Variants in ULK4 observed in about 807,000 individuals in gnomAD.
The protein encoded by ULK4 is inactive serine/threonine-protein kinase ULK4.
In ULK4, 133 loss-of-function variants were observed where a neutral mutation model predicts 160.6. That is an observed-to-expected ratio of 0.83 (90% CI 0.72 to 0.96). ULK4 has a LOEUF of 0.96. Ranked by LOEUF, ULK4 falls within the 40% of genes least tolerant of loss-of-function variation. ULK4 has a pLI of 0.00. For missense variants in ULK4, 1,580 were observed against 1,499.5 expected (o/e 1.05, Z -0.89); for synonymous variants, 534 against 539.8 (o/e 0.99, Z 0.15).
At chr3:41,364,589 A>T (rs561169801) in intron 35 of ULK4, among the ~76,000 whole-genome samples, 2 of 152,234 alleles carry the variant, frequency 1.3e-5, no homozygotes, top group Non-Finnish European at 2.9e-5. Context: ...GATAAATGAG[A>T]CTTTAGAGGC....
chr3:41,249,451 T>C, intron 36 of ULK4, 38 bp downstream of exon 36: 1 of 1,587,200 alleles, frequency 6.3e-7, no homozygotes, highest in Non-Finnish European at 8.6e-7. Flanking sequence ...TGTGTGCTGA[T>C]CTAGAGCAGA....
intron 20 of ULK4, among the ~76,000 whole-genome samples, chr3:41,795,963 G>A (rs2040289144): frequency 6.6e-6 from 1 of 152,200 alleles, no homozygotes; most frequent in Non-Finnish European, 1.5e-5. Flanking sequence ...TAAAGTGGAA[G>A]AACTTAAGGG....
intron 17 of ULK4, among the ~76,000 whole-genome samples, chr3:41,837,563 A>G (rs1370975606): frequency 6.9e-6 from 1 of 144,230 alleles, no homozygotes; most frequent in African/African-American, 2.8e-5. Flanking sequence ...ATATATCAAT[A>G]ACTTTTTTTT....
intron 30 of ULK4, among the ~76,000 whole-genome samples, chr3:41,661,868 T>C (rs967321809): frequency 1.3e-5 from 2 of 152,164 alleles, no homozygotes; most frequent in Non-Finnish European, 2.9e-5. Flanking sequence ...AAAGATTCTA[T>C]AGAGGCCAAA....
intron 5 of ULK4, among the ~76,000 whole-genome samples, chr3:41,921,605 A>G (rs1026713476): frequency 6.6e-6 from 1 of 151,912 alleles, no homozygotes; most frequent in African/African-American, 2.4e-5. Context: ...ACAGAGCGAG[A>G]CTCCGTCTCT....
At chr3:41,958,934 C>T (rs1700575545) in intron 1 of ULK4, among the ~76,000 whole-genome samples, 1 of 152,064 alleles carries the variant, frequency 6.6e-6, no homozygotes. Flanking sequence ...TCCATTAAAA[C>T]TTTTATTTAT....
intron 35 of ULK4, among the ~76,000 whole-genome samples, chr3:41,264,195 A>T (rs1326275872): frequency 6.6e-6 from 1 of 152,182 alleles, no homozygotes; most frequent in African/African-American, 2.4e-5. Context: ...TGAGGCAGAG[A>T]TTTTTTAAAG....
intron 32 of ULK4, among the ~76,000 whole-genome samples, chr3:41,542,589 G>T (rs976261967): frequency 1.4e-4 from 21 of 152,154 alleles, no homozygotes; most frequent in African/African-American, 4.6e-4. Flanking sequence ...AATTTCAGAA[G>T]GAATGGTACA....
At position 41,493,485 on chromosome 3, in the gene ULK4, C is replaced by T. The variant is rs1432645812; in HGVS notation, c.3227-30232G>A. ...CCCACAAGAGAAAGCAAGAAAGATC[C>T]AAAATTGACACCCTGACATCACAAT... On this transcript the variant is annotated intron_variant, in intron 32 of 36. Transcript: ENST00000301831. Among the ~76,000 whole-genome samples the T allele has an allele frequency of 2.9e-4, 36 of 124,808 alleles. 3 individuals carry two copies. The highest frequency in any genetic ancestry group is 1.8e-3 in the South Asian group (7 of 3,848). 81.9% of individuals were successfully genotyped at this position (124,808 alleles called of 152,430 possible).
chr3:41,828,369 A>G (rs867220245), intron 18 of ULK4, among the ~76,000 whole-genome samples: 3 of 150,294 alleles, frequency 2.0e-5, no homozygotes, highest in Non-Finnish European at 3.0e-5. Context: ...GTCCCTGTTT[A>G]CAGATGACAT....
At chr3:41,953,440 T>TTAC (rs889585625) in intron 2 of ULK4, among the ~76,000 whole-genome samples, 3 of 151,636 alleles carry the variant, frequency 2.0e-5, no homozygotes, top group African/African-American at 7.3e-5. Flanking sequence ...GTAGCTGGAA[T>TTAC]TACAGGTGTG....
intron 21 of ULK4, among the ~76,000 whole-genome samples, chr3:41,781,806 C>A (rs932421364): frequency 1.3e-5 from 2 of 151,684 alleles, no homozygotes; most frequent in Admixed American, 6.6e-5. Context: ...AGGCGTGGTG[C>A]CAGGCACCTG....
At chr3:41,329,015 T>C (rs2080391313) in intron 35 of ULK4, among the ~76,000 whole-genome samples, 1 of 152,226 alleles carries the variant, frequency 6.6e-6, no homozygotes, top group African/African-American at 2.4e-5. Context: ...TAAAAAACTT[T>C]CCACCACTGA....
chr3:41,672,361 T>C (rs993833152), intron 29 of ULK4, among the ~76,000 whole-genome samples: 2 of 152,152 alleles, frequency 1.3e-5, no homozygotes, highest in Non-Finnish European at 2.9e-5. Context: ...TGGAATACTA[T>C]TCAACCACAA....
intron 5 of ULK4, among the ~76,000 whole-genome samples, chr3:41,928,195 T>A (rs1339228239): frequency 6.6e-6 from 1 of 152,162 alleles, no homozygotes; most frequent in Non-Finnish European, 1.5e-5. Flanking sequence ...ATTAAGAGAC[T>A]TACTCAAAAA....
At chr3:41,940,748 C>T (rs1699924495) in intron 2 of ULK4, among the ~76,000 whole-genome samples, 1 of 152,138 alleles carries the variant, frequency 6.6e-6, no homozygotes, top group African/African-American at 2.4e-5. Context: ...ATCCTAATGT[C>T]ATCAATTCAC....
chr3:41,916,287 A>C (rs1698963161), intron 7 of ULK4, among the ~76,000 whole-genome samples: 1 of 152,226 alleles, frequency 6.6e-6, no homozygotes, highest in African/African-American at 2.4e-5. Flanking sequence ...AAGAAATGTA[A>C]ATCTCAAAAA....
chr3:41,423,919 C>T (rs2082719010), intron 34 of ULK4, among the ~76,000 whole-genome samples: 1 of 152,154 alleles, frequency 6.6e-6, no homozygotes, highest in Admixed American at 6.5e-5. Context: ...GGCCTTGGGC[C>T]CCAAGCACAG....
rs1214520946 is a variant in ULK4 at position 41,778,136 on chromosome 3, C to G, written c.2193+11525G>C. On this transcript the variant is annotated intron_variant, in intron 21 of 36. Transcript: ENST00000301831. The stretch of plus-strand genomic sequence containing the variant: ...AGCTGATAAGCAACTTCAGCAAAGT[C>G]TCAGGATACAAAATCAATGTACAAA... Among the ~76,000 whole-genome samples, 9 of 123,344 alleles carry G rather than the reference C, an allele frequency of 7.3e-5. 1 individual carries two copies. The highest frequency in any genetic ancestry group is 1.4e-4 in the Non-Finnish European group (9 of 62,410). 80.9% of individuals were successfully genotyped at this position (123,344 alleles called of 152,430 possible). A position where few individuals can be genotyped will look rare whatever the true frequency, so the allele number is the denominator to read the frequency against.
Sources: allele counts gnomAD v4.1 joint callset (sites outside exome capture counted in the v4.1 genomes callset), GRCh38; gene constraint gnomAD v4.1.1; transcripts MANE v1.5; gene names NCBI Gene and HGNC (gene_info 2026-07-23, HGNC 2026-07-21).